ULK4: variants seen among roughly 807,000 people sequenced by gnomAD.
The protein encoded by ULK4 is unc-51 like kinase 4.
ULK4 carries 133 observed loss-of-function variants against 160.6 expected under a neutral mutation model. The ratio of observed to expected loss-of-function variants is 0.83; its 90% confidence interval spans 0.72 to 0.96. ULK4 has a LOEUF of 0.96. ULK4 is among the 40% of genes least tolerant of loss of function. The pLI, the probability that ULK4 is intolerant of heterozygous loss-of-function variation, is 0.00. For synonymous variants in ULK4, 534 were observed against 539.8 expected, an observed-to-expected ratio of 0.99 and a Z score of 0.15; for missense variants, 1,580 against 1,499.5, an observed-to-expected ratio of 1.05 and a Z score of -0.89.
chr3:41,392,186 A>G (rs1018906241), intron 35 of ULK4, among the ~76,000 whole-genome samples: 1 of 152,118 alleles, frequency 6.6e-6, no homozygotes, highest in African/African-American at 2.4e-5. Context: ...GATTTCCATC[A>G]CATTTTTAAA....
chr3:41,383,675 A>G (rs2081729176), intron 35 of ULK4, among the ~76,000 whole-genome samples: 3 of 152,198 alleles, frequency 2.0e-5, no homozygotes, highest in African/African-American at 7.2e-5. Context: ...GAATAAATAA[A>G]TGATCCCTCA....
intron 19 of ULK4, among the ~76,000 whole-genome samples, chr3:41,818,867 T>C (rs1164766389): frequency 6.6e-6 from 1 of 152,244 alleles, no homozygotes; most frequent in South Asian, 2.1e-4. Flanking sequence ...ACGTGGGAGC[T>C]ACATATAGAT....
chr3:41,829,176 C>T (rs2125643995), intron 18 of ULK4, among the ~76,000 whole-genome samples: 1 of 150,262 alleles, frequency 6.7e-6, no homozygotes, highest in South Asian at 2.1e-4. Flanking sequence ...AATGTTAGAC[C>T]TAAAACCATA....
At position 41,845,764 on chromosome 3, in the gene ULK4, T is replaced by C. The variant is rs182438475; in HGVS notation, c.1657-9793A>G. ...ATTATTTGTAATATAGTTTTGATAT[T>C]TGTCCCCCCCAAATCTCATGTTGAA... On this transcript the variant is annotated intron_variant, in intron 17 of 36. Coordinates refer to ENST00000301831, the MANE Select transcript of ULK4 (RefSeq NM_017886.4). 7.6e-4 allele frequency among the ~76,000 whole-genome samples: 115 copies of C among 152,296 alleles called. No homozygotes were observed. In the East Asian group the frequency reaches 0.016, roughly 21 times the overall value.
intron 29 of ULK4, among the ~76,000 whole-genome samples, chr3:41,669,835 C>T (rs1463210800): frequency 6.6e-6 from 1 of 151,132 alleles, no homozygotes; most frequent in Non-Finnish European, 1.5e-5. Flanking sequence ...TAGATAATAA[C>T]ATAGACAATA....
chr3:41,798,929 C>G lies in ULK4; in HGVS notation c.2010+1203G>C, dbSNP rs138233697. Among the ~76,000 whole-genome samples the G allele has an allele frequency of 2.0e-3, 306 of 152,134 alleles. 1 individual carries two copies. The highest frequency in any genetic ancestry group is 7.2e-3 in the African/African-American group (297 of 41,514). ...GGTTTGTCTCTGAAAAGAGAAGGAA[C>G]AGCTTGTCAATGGTACCAGGAAGGA... On this transcript the variant is annotated intron_variant, in intron 20 of 36. Coordinates refer to ENST00000301831, the MANE Select transcript of ULK4 (RefSeq NM_017886.4).
At chr3:41,850,333 G>A (rs1444425760) in intron 17 of ULK4, among the ~76,000 whole-genome samples, 1 of 152,130 alleles carries the variant, frequency 6.6e-6, no homozygotes, top group African/African-American at 2.4e-5. Flanking sequence ...ACCCAGTAAT[G>A]GGATGGCTGG....
intron 35 of ULK4, among the ~76,000 whole-genome samples, chr3:41,298,784 C>A (rs545547548): frequency 3.3e-5 from 5 of 152,132 alleles, no homozygotes; most frequent in Non-Finnish European, 7.3e-5. Flanking sequence ...AGGATGGGCA[C>A]CATGACCAAC....
At chr3:41,446,336 G>C (rs1310626124) in intron 34 of ULK4, among the ~76,000 whole-genome samples, 1 of 152,056 alleles carries the variant, frequency 6.6e-6, no homozygotes, top group Non-Finnish European at 1.5e-5. Flanking sequence ...CAGGGATCTA[G>C]AACTAGAAAT....
chr3:41,860,793 T>C (rs1232240723), intron 17 of ULK4, among the ~76,000 whole-genome samples: 1 of 117,154 alleles, frequency 8.5e-6, no homozygotes, highest in Non-Finnish European at 2.0e-5. Flanking sequence ...GATCTTCTCT[T>C]CCTTCTTTCT....
At position 41,724,580 on chromosome 3, in the gene ULK4, G is replaced by A. The variant is rs535940096; in HGVS notation, c.2322-6719C>T. The stretch of plus-strand genomic sequence containing the variant: ...CTACTAAAAATACAAAAAATTAGCC[G>A]GGCGTGGTGGCAGGCGCCTGTAGTC... On this transcript the variant is annotated intron_variant, in intron 22 of 36. Transcript: ENST00000301831. Among the ~76,000 whole-genome samples the A allele has an allele frequency of 1.8e-4, 27 of 152,048 alleles. No individual in the cohort carries two copies. In the East Asian group the frequency reaches 3.9e-3, roughly 22 times the overall value.
chr3:41,575,055 G>T (rs1297125763), intron 31 of ULK4, among the ~76,000 whole-genome samples: 1 of 152,182 alleles, frequency 6.6e-6, no homozygotes, highest in African/African-American at 2.4e-5. Context: ...ATGCAGGGGT[G>T]TTGTTACTCC....
At chr3:41,646,020 C>G (rs1185393170) in intron 30 of ULK4, among the ~76,000 whole-genome samples, 1 of 152,008 alleles carries the variant, frequency 6.6e-6, no homozygotes, top group Non-Finnish European at 1.5e-5. Flanking sequence ...GCAACCCCTG[C>G]CTTTTTTTGT....
chr3:41,663,467 T>C, intron 30 of ULK4, 140 bp downstream of exon 30: 3 of 712,722 alleles, frequency 4.2e-6, no homozygotes, highest in South Asian at 3.7e-5. Context: ...GATATTACAA[T>C]CCATGAAACT....
At chr3:41,755,209 T>C (rs1335228303) in intron 21 of ULK4, among the ~76,000 whole-genome samples, 1 of 152,136 alleles carries the variant, frequency 6.6e-6, no homozygotes, top group Non-Finnish European at 1.5e-5. Flanking sequence ...CAGGAATATA[T>C]AAGTTCCCAA....
intron 31 of ULK4, among the ~76,000 whole-genome samples, chr3:41,609,675 C>T (rs1575480121): frequency 6.6e-6 from 1 of 152,144 alleles, no homozygotes; most frequent in African/African-American, 2.4e-5. Flanking sequence ...AAATTTTAAT[C>T]ATATCTTGTT....
intron 33 of ULK4, among the ~76,000 whole-genome samples, chr3:41,459,686 C>T (rs1009100864): frequency 6.6e-6 from 1 of 152,070 alleles, no homozygotes; most frequent in African/African-American, 2.4e-5. Flanking sequence ...ATGGTGGGGA[C>T]GGGGTCTACT....
At chr3:41,284,760 C>T (rs1490476271) in intron 35 of ULK4, among the ~76,000 whole-genome samples, 2 of 152,042 alleles carry the variant, frequency 1.3e-5, no homozygotes, top group Non-Finnish European at 2.9e-5. Context: ...CTTAATTAAA[C>T]TAAAGAGCTT....
At chr3:41,398,987 T>C (rs1370269694) in intron 34 of ULK4, among the ~76,000 whole-genome samples, 2 of 152,074 alleles carry the variant, frequency 1.3e-5, no homozygotes, top group Non-Finnish European at 2.9e-5. Flanking sequence ...TATATATTAT[T>C]ATTAACTATA....
Sources: allele counts gnomAD v4.1 joint callset (sites outside exome capture counted in the v4.1 genomes callset), GRCh38; gene constraint gnomAD v4.1.1; transcripts MANE v1.5; gene names NCBI Gene and HGNC (gene_info 2026-07-23, HGNC 2026-07-21).